Variants in ZNF618 observed in about 807,000 individuals in gnomAD.
The protein encoded by ZNF618 is neural precursor cell expressed, developmentally down-regulated 10.
ZNF618 carries 34 observed loss-of-function variants against 103.0 expected under a neutral mutation model. That is an observed-to-expected ratio of 0.33 (90% confidence interval 0.25 to 0.44). ZNF618 has a LOEUF of 0.44. Ranked by LOEUF, ZNF618 falls within the 20% of genes least tolerant of loss-of-function variation. ZNF618 has a pLI of 1.00. For synonymous variants in ZNF618, 551 were observed against 542.2 expected (o/e 1.02, Z -0.23); for missense variants, 1,059 against 1,295.4 (o/e 0.82, Z 2.80).
intron 12 of ZNF618, among the ~76,000 whole-genome samples, chr9:114,034,380 G>A (rs542416732): frequency 7.9e-5 from 12 of 152,214 alleles, no homozygotes; most frequent in African/African-American, 2.4e-4. Context: ...ACCCCCATGC[G>A]TCCCCTGCCC....
At chr9:114,019,215 A>G (rs1017379661) in intron 10 of ZNF618, among the ~76,000 whole-genome samples, 2 of 152,168 alleles carry the variant, frequency 1.3e-5, no homozygotes, top group South Asian at 2.1e-4. Flanking sequence ...GCAATGTTCT[A>G]TTGTATGAAA....
intron 14 of ZNF618, 97 bp downstream of exon 14, chr9:114,048,091 T>A: frequency 9.3e-7 from 1 of 1,080,044 alleles, no homozygotes; most frequent in Non-Finnish European, 1.4e-6. Context: ...TCCTGTGATG[T>A]TGTAAGATGA....
At chr9:113,998,960 C>T (rs958878584) in intron 4 of ZNF618, among the ~76,000 whole-genome samples, 8 of 152,272 alleles carry the variant, frequency 5.3e-5, no homozygotes, top group Non-Finnish European at 8.8e-5. Flanking sequence ...CCTCACAACC[C>T]GTTCCCCTGA....
intron 1 of ZNF618, among the ~76,000 whole-genome samples, chr9:113,925,166 A>G (rs1832977631): frequency 2.6e-5 from 4 of 152,014 alleles, no homozygotes; most frequent in Admixed American, 1.3e-4. Context: ...TTTTTGCTTC[A>G]CATATTTTGT....
At chr9:113,892,709 TA>T (rs1364779926) in intron 1 of ZNF618, among the ~76,000 whole-genome samples, 1 of 152,240 alleles carries the variant, frequency 6.6e-6, no homozygotes, top group Non-Finnish European at 1.5e-5. Flanking sequence ...ACATTTCTTC[TA>T]TTTTTTTATA....
intron 1 of ZNF618, among the ~76,000 whole-genome samples, chr9:113,956,723 A>C (rs1486507332): frequency 6.6e-6 from 1 of 152,180 alleles, no homozygotes; most frequent in Non-Finnish European, 1.5e-5. Context: ...GGCTTCCTAG[A>C]GGTGGTTAGA....
intron 12 of ZNF618, 118 bp downstream of exon 12, chr9:114,032,846 T>C (rs1193652292): frequency 1.1e-6 from 1 of 886,728 alleles, no homozygotes; most frequent in Non-Finnish European, 1.9e-6. Context: ...ATGGATCTTG[T>C]TGGGAGGAGG....
chr9:113,963,866 G>T (rs531778037), intron 1 of ZNF618, among the ~76,000 whole-genome samples: 4 of 152,256 alleles, frequency 2.6e-5, no homozygotes, highest in African/African-American at 4.8e-5. Flanking sequence ...CACACACCCT[G>T]GGGGGTGACA....
intron 1 of ZNF618, among the ~76,000 whole-genome samples, chr9:113,880,895 A>G (rs559769732): frequency 1.3e-5 from 2 of 152,222 alleles, no homozygotes; most frequent in South Asian, 2.1e-4. Flanking sequence ...TTTTGCATTT[A>G]TTATCTCAAT....
intron 2 of ZNF618, among the ~76,000 whole-genome samples, chr9:113,971,389 G>A (rs1588192710): frequency 1.3e-5 from 2 of 152,238 alleles, no homozygotes; most frequent in East Asian, 3.9e-4. Flanking sequence ...CTATGCCCAA[G>A]TGAGGGTCTA....
intron 2 of ZNF618, among the ~76,000 whole-genome samples, chr9:113,985,188 G>T (rs1839352121): frequency 6.6e-6 from 1 of 152,214 alleles, no homozygotes; most frequent in Non-Finnish European, 1.5e-5. Flanking sequence ...GAGGCTTGGA[G>T]GAGTCAAGTC....
At chr9:114,019,331 A>T (rs550138995) in intron 10 of ZNF618, among the ~76,000 whole-genome samples, 1 of 152,320 alleles carries the variant, frequency 6.6e-6, no homozygotes, top group South Asian at 2.1e-4. Flanking sequence ...TTGTGGGCAT[A>T]TGTGTTCATT....
chr9:114,033,807 A>G lies in ZNF618; in HGVS notation c.1168+1079A>G, dbSNP rs575432637. Among the ~76,000 whole-genome samples the G allele has an allele frequency of 4.6e-5, 7 of 151,902 alleles. No homozygotes were observed. The East Asian group carries it at 1.2e-3, about 25-fold the overall frequency. ...TTGCATGGTTGAAATTTAATTCACT[A>G]CATATTAGGTGTCAGCCTGTGCCAG... is the stretch of plus-strand genomic sequence containing the variant. On this transcript the variant is annotated intron_variant, in intron 12 of 14. Coordinates refer to ENST00000374126, the MANE Select transcript of ZNF618 (RefSeq NM_001318042.2).
chr9:114,047,918 C>T lies in ZNF618; in HGVS notation c.1272C>T (p.Ser424=), dbSNP rs2134646368. 1.2e-6 allele frequency: 2 copies of T among 1,602,830 alleles called. No homozygotes were observed. Among genetic ancestry groups the T allele is most frequent in the South Asian group, 1.1e-5 (1 of 88,172 alleles). Residue 424 remains serine, a synonymous_variant, in exon 14 of 15, where the codon TCC becomes TCT. Coordinates refer to ENST00000374126, the MANE Select transcript of ZNF618 (RefSeq NM_001318042.2). ...HAADNENNIA[S]NQSRSPPAVV... is the part of the protein sequence containing the mutation. Reference sequence around the variant, plus strand: ...CTGACAATGAAAACAACATTGCCTCCAACCAGTCCCGATCGCCACCTGCTG... The same window carrying T: ...CTGACAATGAAAACAACATTGCCTCTAACCAGTCCCGATCGCCACCTGCTG...
intron 1 of ZNF618, among the ~76,000 whole-genome samples, chr9:113,930,195 T>A (rs1833449824): frequency 6.6e-6 from 1 of 152,150 alleles, no homozygotes; most frequent in South Asian, 2.1e-4. Flanking sequence ...TTCCCCCAAG[T>A]TTTTTGGGGA....
intron 1 of ZNF618, among the ~76,000 whole-genome samples, chr9:113,922,643 T>C (rs1262839977): frequency 6.6e-6 from 1 of 152,210 alleles, no homozygotes; most frequent in East Asian, 1.9e-4. Context: ...CTGTCTGTTC[T>C]GTTTATTGTG....
intron 1 of ZNF618, among the ~76,000 whole-genome samples, chr9:113,957,233 T>C (rs1836395351): frequency 6.6e-6 from 1 of 152,262 alleles, no homozygotes. Flanking sequence ...GTGGCTCATG[T>C]AGTGTTGTTA....
intron 1 of ZNF618, among the ~76,000 whole-genome samples, chr9:113,908,320 G>T (rs1355233300): frequency 6.6e-6 from 1 of 152,176 alleles, no homozygotes; most frequent in Non-Finnish European, 1.5e-5. Context: ...TGCTCAGGAT[G>T]TTAAATACAT....
chr9:113,911,854 G>A (rs2131457352), intron 1 of ZNF618, among the ~76,000 whole-genome samples: 1 of 152,304 alleles, frequency 6.6e-6, no homozygotes, highest in East Asian at 1.9e-4. Context: ...AAATATTGCT[G>A]AAAAGAATAT....
Sources: gnomAD v4.1 joint callset for allele counts (sites outside exome capture counted in the v4.1 genomes callset) on GRCh38, gnomAD v4.1.1 for gene constraint, MANE v1.5 for transcripts, NCBI Gene and HGNC (gene_info 2026-07-23, HGNC 2026-07-21) for gene names.